The following CLN3 variants were observed in gnomAD, a reference collection of about 807,000 sequenced individuals.
The protein encoded by CLN3 is battenin.
Under a neutral mutation model 60.7 loss-of-function variants are expected in CLN3, and 49 were observed. The observed-to-expected ratio is 0.81, with a 90% CI of 0.64 to 1.02. The LOEUF is 1.02. CLN3 is among the 50% of genes least tolerant of loss of function. The probability of loss-of-function intolerance (pLI) is 0.00; values close to 1 mark genes in which losing one functional copy is unlikely to be tolerated. For missense variants in CLN3, 516 were observed against 557.4 expected, an observed-to-expected ratio of 0.93 and a Z score of 0.75; for synonymous variants, 256 against 245.8, an observed-to-expected ratio of 1.04 and a Z score of -0.39.
Position 28,482,400 on chromosome 16 carries a change from CAG to C in CLN3, c.907-20_907-19del. 1.9e-6 allele frequency: 3 copies of C among 1,614,082 alleles called. No homozygotes were observed. The highest frequency in any genetic ancestry group is 2.5e-6 in the Non-Finnish European group (3 of 1,180,010). On this transcript the variant is annotated intron_variant, in intron 12 of 15. Transcript: ENST00000636147. ...AGTTCAAACTGCAACAAATACCAGA[CAG>C]GGGAGATGGACGGGGCTGTGTGGGT...
downstream of CLN3, chr16:28,476,749 C>G (rs1436277840): frequency 6.5e-6 from 1 of 152,810 alleles, no homozygotes; most frequent in East Asian, 1.9e-4. Context: ...TTCCACTTCT[C>G]TGAAAACTTT....
At chr16:28,468,678 G>A in the CLN3 span, among the ~76,000 whole-genome samples, 63 of 144,956 alleles carry the variant, frequency 4.3e-4, no homozygotes, top group South Asian at 3.2e-3. Flanking sequence ...ATGGTGGCAC[G>A]TGCCTACAGT....
chr16:28,489,338 G>A lies in CLN3; in HGVS notation c.174C>T (p.Ala58=), dbSNP rs138433617. The A allele has an allele frequency of 1.2e-4, 198 of 1,613,494 alleles. 1 individual carries two copies. The East Asian group carries it at 2.1e-3, about 17-fold the overall frequency. The stretch of plus-strand genomic sequence containing the variant: ...TCTTGTGGCTAAGGATGTCGTGGGC[G>A]GCACTCAGCATCACCACATAAGAGA... ...NNFSYVVMLS[A]AHDILSHKRT... is the part of the protein sequence containing the mutation. The change falls in exon 4 of 16, where the codon GCC becomes GCT. Residue 58 remains alanine, a synonymous_variant. Transcript: ENST00000636147.
chr16:28,491,477 C>T lies in CLN3; in HGVS notation c.125+5G>A, dbSNP rs386833704. 5.0e-6 allele frequency: 8 copies of T among 1,613,072 alleles called. No individual in the cohort carries two copies. The Admixed American group carries it at 1.0e-4, about 20-fold the overall frequency. On this transcript the variant is annotated splice_donor_5th_base_variant and intron_variant, in intron 3 of 15. Transcript: ENST00000636147. Reference sequence around the variant, plus strand: ...TGTCACTCGCTGAAGTCTCAGGCCACTCACCAGAAGCCCACCGCGTTCTTC... The same window carrying T: ...TGTCACTCGCTGAAGTCTCAGGCCATTCACCAGAAGCCCACCGCGTTCTTC...
In CLN3 at chr16:28,477,405, C is replaced by A. The variant is rs2046010035; in HGVS notation, c.*111G>T. 1.6e-5 allele frequency: 23 copies of A among 1,471,338 alleles called. 1 individual carries two copies. In the South Asian group the frequency reaches 2.6e-4, roughly 17 times the overall value. The allele number at this position is 1,471,338 out of a possible 1,614,324, so 91.1% of individuals were successfully genotyped here. ...CAGCCCTTCCCTACTCCCAGACCTGCCGGGAAGGCTGGGAGCACAGTTCAT... is the reference window on the plus strand; with the variant it reads ...CAGCCCTTCCCTACTCCCAGACCTGACGGGAAGGCTGGGAGCACAGTTCAT... On this transcript the variant is annotated 3_prime_UTR_variant, in exon 16 of 16. Coordinates refer to ENST00000636147, the MANE Select transcript of CLN3 (RefSeq NM_001042432.2).
At position 28,477,416 on chromosome 16, in the gene CLN3, G is replaced by C; in HGVS notation, c.*100C>G. The stretch of plus-strand genomic sequence containing the variant: ...TACTCCCAGACCTGCCGGGAAGGCT[G>C]GGAGCACAGTTCATGGAGGGTCTCT... On this transcript the variant is annotated 3_prime_UTR_variant, in exon 16 of 16. Transcript: ENST00000636147. 1 of 1,529,074 alleles carries C rather than the reference G, an allele frequency of 6.5e-7. No homozygotes were observed. Among genetic ancestry groups the C allele is most frequent in the Non-Finnish European group, 9.0e-7 (1 of 1,111,462 alleles). 94.7% of individuals were successfully genotyped at this position (1,529,074 alleles called of 1,614,324 possible). A position where few individuals can be genotyped will look rare whatever the true frequency, so the allele number is the denominator to read the frequency against.
chr16:28,490,574 C>T (rs1433287020), intron 3 of CLN3, among the ~76,000 whole-genome samples: 1 of 151,022 alleles, frequency 6.6e-6, no homozygotes, highest in African/African-American at 2.4e-5. Flanking sequence ...TCCTGGATAA[C>T]GCGGTGAAAC....
intron 9 of CLN3, among the ~76,000 whole-genome samples, chr16:28,485,985 T>A (rs181535459): frequency 1.3e-5 from 2 of 151,438 alleles, no homozygotes; most frequent in Admixed American, 1.3e-4. Context: ...TAATCAAGTT[T>A]TCTTTTCTTT....
chr16:28,487,387 G>T, intron 7 of CLN3, 69 bp downstream of exon 7: 1 of 1,270,734 alleles, frequency 7.9e-7, no homozygotes, highest in Non-Finnish European at 1.2e-6. Flanking sequence ...AGGCTGGGGA[G>T]ACTCTTCCCA....
chr16:28,484,948 G>C (rs1455104434), intron 9 of CLN3: 1 of 149,524 alleles, frequency 6.7e-6, no homozygotes, highest in Non-Finnish European at 1.5e-5. Flanking sequence ...TTCAAAGTGT[G>C]TGTTTTTTTT....
At chr16:28,472,737 G>C (rs1404958347), downstream of CLN3, among the ~76,000 whole-genome samples, 1 of 150,444 alleles carries the variant, frequency 6.6e-6, no homozygotes, top group Non-Finnish European at 1.5e-5. Flanking sequence ...CGCTACTCAG[G>C]AGGCTGAGGC....
chr16:28,485,648 G>T (rs2046198778), intron 9 of CLN3, among the ~76,000 whole-genome samples: 2 of 136,804 alleles, frequency 1.5e-5, no homozygotes, highest in African/African-American at 5.5e-5. Context: ...AGGCAGGCAA[G>T]GCTACACATT....
intron 14 of CLN3, among the ~76,000 whole-genome samples, chr16:28,480,641 A>G (rs1037300248): frequency 4.6e-5 from 7 of 151,572 alleles, no homozygotes; most frequent in African/African-American, 1.7e-4. Context: ...TCCTGACCTC[A>G]GGTGATTCAC....
rs769104531 is a variant in CLN3 at position 28,484,042 on chromosome 16, G to A, written c.754C>T (p.Pro252Ser). ...EEEAESAARQPLIRTEAPESK... is the reference protein window; with the variant it reads ...EEEAESAARQSLIRTEAPESK... ...TCCGGGGCCTCGGTTCTTATGAGGG[G>A]CTGCCGGGCTGCGCTCTCTGCTTCT... The change falls in exon 10 of 16, where the codon CCC becomes TCC. Residue 252 changes from proline to serine, a missense_variant. Pro to Ser is a moderately conservative substitution (Grantham distance 74, BLOSUM62 -1). Transcript: ENST00000636147. 262 of 1,611,826 alleles carry A rather than the reference G, an allele frequency of 1.6e-4. No individual in the cohort carries two copies. The highest frequency in any genetic ancestry group is 2.1e-4 in the Non-Finnish European group (242 of 1,179,164).
At chr16:28,478,682 C>A (rs2046038708) in intron 14 of CLN3, among the ~76,000 whole-genome samples, 1 of 148,114 alleles carries the variant, frequency 6.8e-6, no homozygotes, top group Non-Finnish European at 1.5e-5. Flanking sequence ...CCATCGAAAC[C>A]AGGATTTCTC....
downstream of CLN3, among the ~76,000 whole-genome samples, chr16:28,470,749 C>G (rs1393046448): frequency 1.3e-5 from 2 of 150,550 alleles, no homozygotes; most frequent in Non-Finnish European, 3.0e-5. Flanking sequence ...GGGAAAGGAT[C>G]CGGTTCAAAT....
intron 6 of CLN3, 42 bp downstream of exon 6, chr16:28,487,620 T>G (rs1390903579): frequency 2.5e-6 from 4 of 1,602,968 alleles, no homozygotes; most frequent in Non-Finnish European, 3.4e-6. Flanking sequence ...CTCCCCTTTC[T>G]CAGCTCCTGC....
At chr16:28,482,724 CG>C (rs1567257840) in intron 10 of CLN3, 52 bp from the exon 11 acceptor site, 1 of 1,590,654 alleles carries the variant, frequency 6.3e-7, no homozygotes, top group African/African-American at 1.3e-5. Flanking sequence ...ACTGAAGACT[CG>C]GCAAAGAGGC....
intron 2 of CLN3, 49 bp from the exon 3 acceptor site, chr16:28,491,609 G>C: frequency 1.2e-6 from 2 of 1,613,524 alleles, no homozygotes; most frequent in Non-Finnish European, 1.7e-6. Flanking sequence ...TCAGGTGCAC[G>C]ACCGCTCCTT....
Sources: gnomAD v4.1 joint callset for allele counts (sites outside exome capture counted in the v4.1 genomes callset) on GRCh38, gnomAD v4.1.1 for gene constraint, MANE v1.5 for transcripts, NCBI Gene and HGNC (gene_info 2026-07-23, HGNC 2026-07-21) for gene names.